Variants in TCF12 observed in about 807,000 individuals in gnomAD.
The protein encoded by TCF12 is transcription factor 12, also known as DNA-binding protein HTF4.
Under a neutral mutation model 86.0 loss-of-function variants are expected in TCF12, and 45 were observed. That is an observed-to-expected ratio of 0.52 (90% CI 0.41 to 0.67). TCF12 has a LOEUF of 0.67. Ranked by LOEUF, TCF12 falls within the 30% of genes least tolerant of loss-of-function variation. The pLI is 0.00. For synonymous variants in TCF12, 330 were observed against 299.6 expected (o/e 1.10, Z -1.05); for missense variants, 881 against 859.9 (o/e 1.02, Z -0.31).
chr15:57,194,520 A>T lies in TCF12; in HGVS notation c.526+2227A>T, dbSNP rs183085621. On this transcript the variant is annotated intron_variant, in intron 7 of 20. Transcript: ENST00000333725. ...CTCTTTCTTAGCATTACAGTTATTGATAAAATCTCAGCGTTTAAAAGCACT... is the reference window on the plus strand; with the variant it reads ...CTCTTTCTTAGCATTACAGTTATTGTTAAAATCTCAGCGTTTAAAAGCACT... 3.1e-4 allele frequency among the ~76,000 whole-genome samples: 47 copies of T among 152,318 alleles called. No homozygotes were observed. In the East Asian group the frequency reaches 5.6e-3, roughly 18 times the overall value.
chr15:57,276,630 T>A (rs956725789), intron 19 of TCF12, among the ~76,000 whole-genome samples: 1 of 152,152 alleles, frequency 6.6e-6, no homozygotes, highest in South Asian at 2.1e-4. Flanking sequence ...GTAAAAAAAA[T>A]ATTCTAAAGC....
intron 20 of TCF12, 40 bp downstream of exon 20, chr15:57,282,638 T>G (rs1187863914): frequency 1.9e-6 from 3 of 1,583,414 alleles, no homozygotes; most frequent in Non-Finnish European, 1.7e-6. Flanking sequence ...GGAAATAACC[T>G]TAAGATTCAT....
intron 14 of TCF12, chr15:57,252,191 T>C (rs563881886): frequency 4.9e-6 from 2 of 406,876 alleles, no homozygotes; most frequent in East Asian, 7.3e-5. Flanking sequence ...AACGTTTGCT[T>C]CTCATATATT....
rs1192779516 is a variant in TCF12, at chr15:57,094,489, TA to T, written c.325+2600del. The stretch of plus-strand genomic sequence containing the variant: ...CAATTCAACTTGATATGAGCTGAAG[TA>T]ATTGAACTGACACCCAAACGTGGGT... On this transcript the variant is annotated intron_variant, in intron 5 of 20. Coordinates refer to ENST00000333725, the MANE Select transcript of TCF12 (RefSeq NM_207037.2). 2.6e-5 allele frequency among the ~76,000 whole-genome samples: 4 copies of T among 152,208 alleles called. No homozygotes were observed. The South Asian group carries it at 8.3e-4, about 32-fold the overall frequency.
intron 6 of TCF12, among the ~76,000 whole-genome samples, chr15:57,176,869 T>C (rs2055951874): frequency 6.6e-6 from 1 of 152,224 alleles, no homozygotes; most frequent in Non-Finnish European, 1.5e-5. Flanking sequence ...GAGTTGAATA[T>C]TGGACTTACA....
chr15:56,950,210 C>T (rs1342255525), intron 3 of TCF12, among the ~76,000 whole-genome samples: 1 of 151,990 alleles, frequency 6.6e-6, no homozygotes, highest in Non-Finnish European at 1.5e-5. Flanking sequence ...TTTGCATTTT[C>T]TATACTGTGT....
intron 3 of TCF12, among the ~76,000 whole-genome samples, chr15:56,951,364 A>G (rs555148738): frequency 2.7e-4 from 41 of 152,228 alleles, no homozygotes; most frequent in South Asian, 8.3e-4. Context: ...AAATATCTTC[A>G]TATCTGTTGT....
At chr15:57,107,858 T>C (rs1196314265) in intron 5 of TCF12, among the ~76,000 whole-genome samples, 1 of 152,164 alleles carries the variant, frequency 6.6e-6, no homozygotes, top group Non-Finnish European at 1.5e-5. Context: ...CAGTGAGCGA[T>C]GATTATGCCA....
chr15:57,124,560 G>A (rs760759520), intron 5 of TCF12, among the ~76,000 whole-genome samples: 2 of 152,164 alleles, frequency 1.3e-5, no homozygotes, highest in Non-Finnish European at 2.9e-5. Context: ...TCTACAAAAT[G>A]AAGAAATGCA....
chr15:56,963,170 G>A (rs1454219820), intron 3 of TCF12, among the ~76,000 whole-genome samples: 3 of 148,448 alleles, frequency 2.0e-5, no homozygotes, highest in East Asian at 4.0e-4. Context: ...TTTTTTTATT[G>A]TCGTGGTATT....
intron 19 of TCF12, 159 bp from the exon 20 acceptor site, chr15:57,282,286 C>T (rs1391150642): frequency 1.8e-5 from 14 of 766,562 alleles, no homozygotes; most frequent in Non-Finnish European, 1.7e-5. Flanking sequence ...TCTGGAGGCT[C>T]AGTTCAATGC....
intron 3 of TCF12, among the ~76,000 whole-genome samples, chr15:57,040,769 C>T (rs1266635567): frequency 3.3e-5 from 5 of 152,090 alleles, no homozygotes; most frequent in African/African-American, 1.2e-4. Context: ...ATACTACTGC[C>T]TTGATTAGGG....
At chr15:57,181,066 G>C (rs185450145) in intron 6 of TCF12, among the ~76,000 whole-genome samples, 2 of 151,442 alleles carry the variant, frequency 1.3e-5, no homozygotes, top group Non-Finnish European at 2.9e-5. Context: ...CGCCCGCCTC[G>C]GTCTCCCAAA....
intron 4 of TCF12, chr15:57,072,782 C>T (rs2069518101): frequency 2.0e-6 from 2 of 1,017,872 alleles, no homozygotes; most frequent in Non-Finnish European, 2.6e-6. Flanking sequence ...ACTGCTCCTT[C>T]TGAATGTTCT....
At chr15:57,234,708 T>C (rs185510724) in intron 12 of TCF12, among the ~76,000 whole-genome samples, 79 of 152,368 alleles carry the variant, frequency 5.2e-4, no homozygotes, top group South Asian at 2.1e-3. Flanking sequence ...TATCTGATTC[T>C]TAAAACATTA....
chr15:57,291,237 C>G (rs1399662219), downstream of TCF12: 2 of 152,218 alleles, frequency 1.3e-5, no homozygotes, highest in Non-Finnish European at 2.9e-5. Flanking sequence ...ATACAATCTA[C>G]ACATCCCCCC....
At chr15:57,248,025 CA>C (rs1391401495) in intron 13 of TCF12, 4 of 706,638 alleles carry the variant, frequency 5.7e-6, no homozygotes, top group Non-Finnish European at 1.0e-5. Context: ...TGCAGTTGGG[CA>C]GCGGTTTTAC....
chr15:57,252,335 T>C, intron 14 of TCF12, 86 bp from the exon 15 acceptor site: 3 of 945,780 alleles, frequency 3.2e-6, no homozygotes, highest in Non-Finnish European at 5.1e-6. Context: ...CATGTTATGC[T>C]GACATGCATA....
chr15:57,261,702 A>C (rs1157507533), intron 16 of TCF12, among the ~76,000 whole-genome samples: 1 of 152,064 alleles, frequency 6.6e-6, no homozygotes, highest in African/African-American at 2.4e-5. Flanking sequence ...TATTTTGTTA[A>C]ATGCCAGTTC....
Sources: allele counts gnomAD v4.1 joint callset (sites outside exome capture counted in the v4.1 genomes callset), GRCh38; gene constraint gnomAD v4.1.1; transcripts MANE v1.5; gene names NCBI Gene and HGNC (gene_info 2026-07-23, HGNC 2026-07-21).